NR3C1: variants seen among roughly 807,000 people sequenced by gnomAD.
NR3C1 encodes the protein nuclear receptor subfamily 3 group C member 1.
A neutral mutation model predicts 74.0 loss-of-function variants in NR3C1; 14 were observed. The observed-to-expected ratio is 0.19, with a 90% CI of 0.12 to 0.30. NR3C1 has a LOEUF of 0.30. Ranked by LOEUF, NR3C1 falls within the 10% of genes least tolerant of loss-of-function variation. NR3C1 has a pLI of 1.00. For synonymous variants in NR3C1, 308 were observed against 332.5 expected, an observed-to-expected ratio of 0.93 and a Z score of 0.80; for missense variants, 695 against 909.8, an observed-to-expected ratio of 0.76 and a Z score of 3.04.
intron 1 of NR3C1, among the ~76,000 whole-genome samples, chr5:143,424,392 T>C (rs1242718044): frequency 1.3e-5 from 2 of 152,094 alleles, no homozygotes; most frequent in African/African-American, 4.8e-5. Flanking sequence ...CACAAATACA[T>C]TACAAATGCT....
Position 143,412,854 on chromosome 5 carries a change from T to C in NR3C1, c.-13-12002A>G, listed in dbSNP as rs958868324. On this transcript the variant is annotated intron_variant, in intron 1 of 8. Transcript: ENST00000343796. ...TCTCAGCTATACAGCTACCAATGAC[T>C]AACACTTTGAGGATTCAGTTTGGAT... Among the ~76,000 whole-genome samples, 3 of 152,370 alleles carry C rather than the reference T, an allele frequency of 2.0e-5. No homozygotes were observed. In the South Asian group the frequency reaches 6.2e-4, roughly 32 times the overall value.
chr5:143,357,651 T>G lies in NR3C1; in HGVS notation c.1184+42005A>C, dbSNP rs61752270. 2.4e-3 allele frequency among the ~76,000 whole-genome samples: 360 copies of G among 152,328 alleles called. 2 individuals are homozygous for G. The highest frequency in any genetic ancestry group is 8.2e-3 in the African/African-American group (343 of 41,576). On this transcript the variant is annotated intron_variant, in intron 2 of 8. Coordinates refer to ENST00000394464, the MANE Select transcript of NR3C1 (RefSeq NM_000176.3). ...CCTAGAGCCACGTAGATTCCTAGAT[T>G]CCACACTCACTTTTTCTTTTTATGT...
intron 1 of NR3C1, among the ~76,000 whole-genome samples, chr5:143,421,721 G>A (rs561127404): frequency 6.4e-4 from 97 of 152,156 alleles, no homozygotes; most frequent in African/African-American, 2.2e-3. Flanking sequence ...GACCCCAGGA[G>A]GCAGAAGTTG....
chr5:143,372,498 G>A (rs771958045), intron 2 of NR3C1, among the ~76,000 whole-genome samples: 4 of 152,118 alleles, frequency 2.6e-5, no homozygotes, highest in African/African-American at 4.8e-5. Flanking sequence ...AAAACTCTTC[G>A]ATTCTTTATT....
intron 2 of NR3C1, among the ~76,000 whole-genome samples, chr5:143,380,934 G>A (rs747694758): frequency 6.6e-6 from 1 of 152,116 alleles, no homozygotes; most frequent in African/African-American, 2.4e-5. Flanking sequence ...GGAAGTACTG[G>A]AAGACCTACC....
chr5:143,303,262 G>A (rs980668344), intron 4 of NR3C1, among the ~76,000 whole-genome samples: 1 of 151,428 alleles, frequency 6.6e-6, no homozygotes, highest in Non-Finnish European at 1.5e-5. Flanking sequence ...GGCGGGTGGA[G>A]TTTACTATGA....
rs758670332 is a variant in NR3C1, at chr5:143,300,689, G to C, written c.1543C>G (p.Pro515Ala). 2.5e-6 allele frequency: 4 copies of C among 1,614,014 alleles called. No homozygotes were observed. The highest frequency in any genetic ancestry group is 3.4e-6 in the Non-Finnish European group (4 of 1,180,006). Reference protein sequence around the residue: ...TGVSQETSENPGNKTIVPATL... With the variant: ...TGVSQETSENAGNKTIVPATL... ...GCAGGAACTATTGTTTTGTTACCAG[G>C]ATTTTCAGAGGTTTCTTGTGAGACT... Residue 515 changes from proline to alanine, a missense_variant, in exon 5 of 9, where the codon CCT becomes GCT. Physicochemically the swap from Pro to Ala is conservative, Grantham distance 27. This residue lies in a region of NR3C1 where 42 missense variants were observed against 49.3 expected (regional missense o/e 0.85). Coordinates refer to ENST00000394464, the MANE Select transcript of NR3C1 (RefSeq NM_000176.3). This position sits in a 1 kb window ranked among gnomAD's most constrained non-coding sequence, Gnocchi z 5.2.
At chr5:143,282,774 TTTC>T in intron 7 of NR3C1, 49 bp from the exon 8 acceptor site, 3 of 1,569,674 alleles carry the variant, frequency 1.9e-6, no homozygotes, top group Non-Finnish European at 2.6e-6. Context: ...TTTCTTTTCT[TTTC>T]TTTTTTTTTT....
intron 2 of NR3C1, among the ~76,000 whole-genome samples, chr5:143,370,288 A>T (rs1021214055): frequency 2.6e-5 from 4 of 152,194 alleles, no homozygotes; most frequent in African/African-American, 9.6e-5. Context: ...TTGGAATAGC[A>T]GCCAGGAACC....
intron 2 of NR3C1, among the ~76,000 whole-genome samples, chr5:143,326,734 T>C (rs1273616397): frequency 6.6e-6 from 1 of 152,196 alleles, no homozygotes; most frequent in Admixed American, 6.5e-5. Flanking sequence ...TGAAAAGCAT[T>C]TCCCAAACCA....
intron 1 of NR3C1, among the ~76,000 whole-genome samples, chr5:143,416,680 G>A (rs1350779276): frequency 6.6e-6 from 1 of 152,104 alleles, no homozygotes; most frequent in Non-Finnish European, 1.5e-5. Flanking sequence ...AAAACATGGG[G>A]GTGTTGCTCC....
chr5:143,357,657 C>T (rs1254951529), intron 2 of NR3C1, among the ~76,000 whole-genome samples: 1 of 152,204 alleles, frequency 6.6e-6, no homozygotes. Context: ...AGATTCCACA[C>T]TCACTTTTTC....
intron 2 of NR3C1, among the ~76,000 whole-genome samples, chr5:143,354,278 A>G (rs1441294229): frequency 6.6e-6 from 1 of 152,256 alleles, no homozygotes; most frequent in Non-Finnish European, 1.5e-5. Flanking sequence ...TTGCTGGAGT[A>G]GCACTAGTTA....
At position 143,399,699 on chromosome 5, in the gene NR3C1, G is replaced by A. The variant is rs1839887277; in HGVS notation, c.1141C>T (p.Leu381=). The change falls in exon 2 of 9, where the codon CTG becomes TTG. Residue 381 remains leucine, a synonymous_variant. Coordinates refer to ENST00000394464, the MANE Select transcript of NR3C1 (RefSeq NM_000176.3). ...AAAACTGTTCGACCAGGGAAGTTCA[G>A]AGTCCCCAGAGAAGTCAAGTTGTCA... ...GDDNLTSLGT[L]NFPGRTVFSN... 1.2e-6 allele frequency: 2 copies of A among 1,614,144 alleles called. No homozygotes were observed. The highest frequency in any genetic ancestry group is 2.2e-5 in the East Asian group (1 of 44,880).
intron 2 of NR3C1, among the ~76,000 whole-genome samples, chr5:143,378,941 TA>T (rs1243148828): frequency 2.0e-5 from 3 of 150,746 alleles, no homozygotes; most frequent in Admixed American, 6.6e-5. Context: ...TACAATTCTT[TA>T]AAAAAAAAAT....
Position 143,278,965 on chromosome 5 carries a change from T to C in NR3C1, c.*2924A>G, listed in dbSNP as rs1407244460. ...ATATATATACCCCAAAAGTGTTATGTCCTAAGTGCCTCAGTTCTGCTTGTA... is the reference window on the plus strand; with the variant it reads ...ATATATATACCCCAAAAGTGTTATGCCCTAAGTGCCTCAGTTCTGCTTGTA... On this transcript the variant is annotated 3_prime_UTR_variant, in exon 9 of 9. Coordinates refer to ENST00000394464, the MANE Select transcript of NR3C1 (RefSeq NM_000176.3). 1 of 192,680 alleles carries C rather than the reference T, an allele frequency of 5.2e-6. No individual in the cohort carries two copies. The highest frequency in any genetic ancestry group is 1.0e-5 in the Non-Finnish European group (1 of 95,626). 11.9% of individuals were successfully genotyped at this position (192,680 alleles called of 1,614,324 possible). A position where few individuals can be genotyped will look rare whatever the true frequency, so the allele number is the denominator to read the frequency against.
chr5:143,311,218 G>A (rs532478288), intron 3 of NR3C1, among the ~76,000 whole-genome samples: 1 of 152,178 alleles, frequency 6.6e-6, no homozygotes. Context: ...ACGATCAACA[G>A]ATACATCTAT....
At chr5:143,372,801 C>T (rs117313059) in intron 2 of NR3C1, among the ~76,000 whole-genome samples, 2 of 152,138 alleles carry the variant, frequency 1.3e-5, no homozygotes, top group Non-Finnish European at 2.9e-5. Flanking sequence ...TCAACAATCA[C>T]AATTATTGCT....
chr5:143,431,365 G>A (rs1044591245), intron 1 of NR3C1, among the ~76,000 whole-genome samples: 1 of 152,138 alleles, frequency 6.6e-6, no homozygotes, highest in African/African-American at 2.4e-5. Flanking sequence ...TGCTTCCACT[G>A]AAGAACTAAA....
Sources: allele counts gnomAD v4.1 joint callset (sites outside exome capture counted in the v4.1 genomes callset), GRCh38; gene constraint gnomAD v4.1.1; regional missense constraint gnomAD v4.1.1; non-coding constraint Gnocchi (gnomAD v3.1); transcripts MANE v1.5; gene names NCBI Gene and HGNC (gene_info 2026-07-23, HGNC 2026-07-21).